The following PDE4D variants were observed in gnomAD, a reference collection of about 807,000 sequenced individuals.
PDE4D encodes the protein phosphodiesterase 4D, also known as 3',5'-cyclic-AMP phosphodiesterase 4D.
PDE4D carries 24 observed loss-of-function variants against 87.4 expected under a neutral mutation model. That is an observed-to-expected ratio of 0.27 (90% CI 0.20 to 0.39). The LOEUF (loss-of-function observed/expected upper bound fraction) is 0.39. Ranked by LOEUF, PDE4D falls within the 10% of genes least tolerant of loss-of-function variation. The pLI is 1.00. For synonymous variants in PDE4D, 384 were observed against 383.2 expected, an observed-to-expected ratio of 1.00 and a Z score of -0.02; for missense variants, 714 against 1,041.0, an observed-to-expected ratio of 0.69 and a Z score of 4.32.
At chr5:60,122,870 C>A (rs1259242430) in intron 2 of PDE4D, among the ~76,000 whole-genome samples, 2 of 152,226 alleles carry the variant, frequency 1.3e-5, no homozygotes, top group Non-Finnish European at 2.9e-5. Context: ...TCTTATAAAA[C>A]TGAGTGCCTT....
intron 1 of PDE4D, among the ~76,000 whole-genome samples, chr5:59,326,117 T>A (rs1775600007): frequency 6.6e-6 from 1 of 151,694 alleles, no homozygotes; most frequent in Non-Finnish European, 1.5e-5. Context: ...GGGACTGTTG[T>A]GGGGTGGGAG....
chr5:59,979,100 C>A (rs1167881916), intron 3 of PDE4D, among the ~76,000 whole-genome samples: 1 of 152,042 alleles, frequency 6.6e-6, no homozygotes, highest in East Asian at 1.9e-4. Flanking sequence ...TCTGAACCCA[C>A]AATATCTCCG....
At chr5:60,345,872 T>C (rs1336596448) in intron 1 of PDE4D, among the ~76,000 whole-genome samples, 1 of 152,118 alleles carries the variant, frequency 6.6e-6, no homozygotes, top group South Asian at 2.1e-4. Flanking sequence ...GCCTGAAACA[T>C]ATTATCAAAC....
chr5:60,067,050 T>G (rs1772183296), intron 2 of PDE4D, among the ~76,000 whole-genome samples: 1 of 152,134 alleles, frequency 6.6e-6, no homozygotes, highest in African/African-American at 2.4e-5. Context: ...AATAGAAAGA[T>G]AGCATCTCTG....
intron 1 of PDE4D, among the ~76,000 whole-genome samples, chr5:60,340,009 C>A (rs1758163093): frequency 6.6e-6 from 1 of 152,246 alleles, no homozygotes; most frequent in African/African-American, 2.4e-5. Context: ...TTGAACCAAA[C>A]CTCAATAAGC....
chr5:59,458,985 A>G (rs1800331806), intron 1 of PDE4D, among the ~76,000 whole-genome samples: 1 of 151,958 alleles, frequency 6.6e-6, no homozygotes, highest in Non-Finnish European at 1.5e-5. Context: ...TTATCTTAGT[A>G]TAAATAATTT....
chr5:59,943,213 T>C (rs76990135), intron 3 of PDE4D, among the ~76,000 whole-genome samples: 1 of 10,436 alleles, frequency 9.6e-5, no homozygotes, highest in Non-Finnish European at 2.4e-4. Context: ...ATTATTATCC[T>C]TTTTTTTTTA....
rs146058676 is a variant in PDE4D, at chr5:60,143,540, G to A, written c.42+42017C>T. ...TTAGAATCACCTGCAGAGCTTTAAA[G>A]AACGCCATTGCCTGAGTCCTAACCT... On this transcript the variant is annotated intron_variant, in intron 2 of 16. Transcript: ENST00000502484. 3.0e-4 allele frequency among the ~76,000 whole-genome samples: 46 copies of A among 151,660 alleles called. 1 individual carries two copies. Among genetic ancestry groups the A allele is most frequent in the African/African-American group, 1.1e-3 (44 of 41,282 alleles).
At chr5:59,095,574 T>C (rs1769555326) in intron 5 of PDE4D, among the ~76,000 whole-genome samples, 1 of 152,178 alleles carries the variant, frequency 6.6e-6, no homozygotes, top group Non-Finnish European at 1.5e-5. Context: ...ATTTCTATTG[T>C]ACCATCTCAT....
At chr5:59,563,745 T>G (rs935751570) in intron 1 of PDE4D, among the ~76,000 whole-genome samples, 1 of 152,204 alleles carries the variant, frequency 6.6e-6, no homozygotes, top group East Asian at 1.9e-4. Flanking sequence ...ACCATGCTCT[T>G]AGCCACCAAG....
chr5:59,555,931 C>T (rs1443975527), intron 1 of PDE4D, among the ~76,000 whole-genome samples: 1 of 152,042 alleles, frequency 6.6e-6, no homozygotes, highest in Non-Finnish European at 1.5e-5. Context: ...ATCTGTGCTC[C>T]CTGGGACCTT....
chr5:60,054,427 A>G (rs1038476370), intron 2 of PDE4D, among the ~76,000 whole-genome samples: 1 of 152,206 alleles, frequency 6.6e-6, no homozygotes, highest in African/African-American at 2.4e-5. Flanking sequence ...AAGCTAACAC[A>G]GGAACAGAAA....
At chr5:60,158,859 G>A (rs1430654137) in intron 2 of PDE4D, among the ~76,000 whole-genome samples, 4 of 152,202 alleles carry the variant, frequency 2.6e-5, no homozygotes, top group Non-Finnish European at 2.9e-5. Context: ...GTGAGCCACC[G>A]CGCCAGGCCA....
At chr5:59,929,369 C>T (rs1270621701) in intron 3 of PDE4D, among the ~76,000 whole-genome samples, 1 of 152,052 alleles carries the variant, frequency 6.6e-6, no homozygotes, top group Non-Finnish European at 1.5e-5. Flanking sequence ...CTTATTCCCA[C>T]TTTTTTAAAA....
chr5:59,198,561 T>C (rs1400438670), intron 2 of PDE4D, among the ~76,000 whole-genome samples: 1 of 152,120 alleles, frequency 6.6e-6, no homozygotes, highest in African/African-American at 2.4e-5. Context: ...TGAACCAGAG[T>C]CATCTTCACT....
At chr5:60,153,131 T>C (rs1395867952) in intron 2 of PDE4D, among the ~76,000 whole-genome samples, 1 of 152,156 alleles carries the variant, frequency 6.6e-6, no homozygotes, top group African/African-American at 2.4e-5. Context: ...ATACATCTGA[T>C]AAGAGTTTGG....
At chr5:59,330,592 G>A (rs1776543752) in intron 1 of PDE4D, among the ~76,000 whole-genome samples, 1 of 151,828 alleles carries the variant, frequency 6.6e-6, no homozygotes, top group Admixed American at 6.6e-5. Context: ...CTGACTTACT[G>A]GTTTGCCTCT....
At chr5:59,508,358 G>T (rs1809650570) in intron 1 of PDE4D, among the ~76,000 whole-genome samples, 1 of 152,094 alleles carries the variant, frequency 6.6e-6, no homozygotes, top group African/African-American at 2.4e-5. Context: ...GTGTATACTT[G>T]CGATATGTAA....
intron 1 of PDE4D, among the ~76,000 whole-genome samples, chr5:59,416,563 G>A (rs1472318518): frequency 6.6e-6 from 1 of 152,168 alleles, no homozygotes; most frequent in Non-Finnish European, 1.5e-5. Flanking sequence ...CTAAGCACTT[G>A]TAACTCTCTA....
Sources: gnomAD v4.1 joint callset for allele counts (sites outside exome capture counted in the v4.1 genomes callset) on GRCh38, gnomAD v4.1.1 for gene constraint, MANE v1.5 for transcripts, NCBI Gene and HGNC (gene_info 2026-07-23, HGNC 2026-07-21) for gene names.